The following DCC variants were observed in gnomAD, a reference collection of about 807,000 sequenced individuals.
The protein encoded by DCC is netrin receptor DCC.
A neutral mutation model predicts 172.5 loss-of-function variants in DCC; 58 were observed. That is an observed-to-expected ratio of 0.34 (90% CI 0.27 to 0.42). The LOEUF (loss-of-function observed/expected upper bound fraction) is 0.42. DCC is among the 10% of genes least tolerant of loss of function. DCC has a pLI of 1.00. For missense variants in DCC, 1,740 were observed against 1,791.0 expected, an observed-to-expected ratio of 0.97 and a Z score of 0.51; for synonymous variants, 709 against 644.5, an observed-to-expected ratio of 1.10 and a Z score of -1.52.
intron 18 of DCC, among the ~76,000 whole-genome samples, chr18:53,398,835 T>G (rs2145028215): frequency 6.6e-6 from 1 of 152,254 alleles, no homozygotes; most frequent in Middle Eastern, 3.4e-3. Flanking sequence ...GGTAATAATC[T>G]GGACAAAGGT....
intron 1 of DCC, among the ~76,000 whole-genome samples, chr18:52,430,961 T>C (rs1987601791): frequency 6.6e-6 from 1 of 152,170 alleles, no homozygotes. Context: ...CTCTTTATTT[T>C]TGGCTTCTCA....
At chr18:53,217,310 TACACACACAC>T (rs34151927) in intron 12 of DCC, among the ~76,000 whole-genome samples, 3 of 148,410 alleles carry the variant, frequency 2.0e-5, no homozygotes, top group African/African-American at 4.9e-5. Context: ...CATATGTATA[TACACACACAC>T]ACACACACAC....
chr18:53,150,692 G>C (rs1192776797), intron 7 of DCC, among the ~76,000 whole-genome samples: 1 of 152,188 alleles, frequency 6.6e-6, no homozygotes, highest in East Asian at 1.9e-4. Context: ...CCCCACGTCA[G>C]GGCAGCAAAG....
intron 1 of DCC, among the ~76,000 whole-genome samples, chr18:52,667,480 G>A (rs1198947387): frequency 1.3e-5 from 2 of 152,180 alleles, no homozygotes; most frequent in Non-Finnish European, 1.5e-5. Context: ...CTCAGACCTT[G>A]CAGGAGACAT....
chr18:52,800,827 G>A (rs1268401633), intron 2 of DCC, among the ~76,000 whole-genome samples: 13 of 152,106 alleles, frequency 8.5e-5, no homozygotes, highest in Admixed American at 5.2e-4. Context: ...TACCTTAGAC[G>A]CTGTGGCTTA....
chr18:53,042,023 C>G (rs528772318), intron 5 of DCC, among the ~76,000 whole-genome samples: 1 of 151,958 alleles, frequency 6.6e-6, no homozygotes, highest in African/African-American at 2.4e-5. Flanking sequence ...TTGTCCTGAC[C>G]AGAACTTCCA....
At chr18:53,209,309 G>T (rs1164624295) in intron 11 of DCC, among the ~76,000 whole-genome samples, 1 of 152,206 alleles carries the variant, frequency 6.6e-6, no homozygotes, top group Non-Finnish European at 1.5e-5. Flanking sequence ...CAAAGTATAT[G>T]ATGTGGGGCC....
At chr18:53,468,223 G>A (rs1037535856) in intron 25 of DCC, among the ~76,000 whole-genome samples, 6 of 151,558 alleles carry the variant, frequency 4.0e-5, no homozygotes, top group Non-Finnish European at 8.8e-5. Flanking sequence ...ATGGTCTGTT[G>A]GCAAACAGAT....
At chr18:52,446,534 A>G in intron 1 of DCC, among the ~76,000 whole-genome samples, 1 of 152,168 alleles carries the variant, frequency 6.6e-6, no homozygotes, top group Admixed American at 6.5e-5. Context: ...ATGCATTGGA[A>G]TTGCTTTACT....
intron 2 of DCC, among the ~76,000 whole-genome samples, chr18:52,865,674 C>T (rs1168122342): frequency 1.3e-5 from 2 of 151,468 alleles, no homozygotes; most frequent in Non-Finnish European, 2.9e-5. Context: ...CTGTTCATAC[C>T]CTTCACCCAC....
At chr18:52,844,320 G>GCAGACAGA (rs10643611) in intron 2 of DCC, among the ~76,000 whole-genome samples, 7,094 of 151,206 alleles carry the variant, frequency 0.047, 180 homozygotes, top group South Asian at 0.065. Context: ...ACATAGATAG[G>GCAGACAGA]CAGACAGACA....
chr18:52,513,676 C>T (rs1568206863), intron 1 of DCC, among the ~76,000 whole-genome samples: 2 of 152,110 alleles, frequency 1.3e-5, no homozygotes, highest in Non-Finnish European at 2.9e-5. Flanking sequence ...GGCTCTAAAA[C>T]TAGGTCCCTT....
At chr18:52,620,285 C>A (rs761671804) in intron 1 of DCC, among the ~76,000 whole-genome samples, 3 of 152,160 alleles carry the variant, frequency 2.0e-5, no homozygotes, top group Non-Finnish European at 2.9e-5. Flanking sequence ...CTCCAACTTT[C>A]TATTAATTGC....
At chr18:52,862,360 C>T (rs7227878) in intron 2 of DCC, among the ~76,000 whole-genome samples, 18,379 of 151,770 alleles carry the variant, frequency 0.12, 1,493 homozygotes, top group East Asian at 0.3. Flanking sequence ...ATAGGATCAC[C>T]GGTCACTGTA....
At chr18:53,396,172 G>C (rs1216578641) in intron 17 of DCC, among the ~76,000 whole-genome samples, 2 of 151,882 alleles carry the variant, frequency 1.3e-5, no homozygotes, top group Admixed American at 1.3e-4. Context: ...ATGAGTGGGG[G>C]AAAAGAGCTT....
intron 8 of DCC, among the ~76,000 whole-genome samples, chr18:53,172,586 A>T (rs1212397102): frequency 7.2e-5 from 11 of 152,178 alleles, no homozygotes; most frequent in Non-Finnish European, 1.2e-4. Context: ...AATAAAGTCA[A>T]TTATGAAAGC....
At chr18:53,222,129 A>G (rs10502966) in intron 12 of DCC, among the ~76,000 whole-genome samples, 46,270 of 152,074 alleles carry the variant, frequency 0.3, 8,833 homozygotes, top group Non-Finnish European at 0.44. Flanking sequence ...AATTACAGTC[A>G]ATGAATAAAG....
intron 2 of DCC, among the ~76,000 whole-genome samples, chr18:52,792,713 A>T (rs2037794235): frequency 9.6e-6 from 1 of 103,736 alleles, no homozygotes; most frequent in South Asian, 2.9e-4. Context: ...TTATTGATTT[A>T]ATTTGATTTT....
At chr18:52,469,412 T>C (rs768553973) in intron 1 of DCC, among the ~76,000 whole-genome samples, 1 of 152,188 alleles carries the variant, frequency 6.6e-6, no homozygotes, top group African/African-American at 2.4e-5. Flanking sequence ...GGTGTTGCTA[T>C]TAGCCAACAG....
Sources: gnomAD v4.1 joint callset for allele counts (sites outside exome capture counted in the v4.1 genomes callset) on GRCh38, gnomAD v4.1.1 for gene constraint, MANE v1.5 for transcripts, NCBI Gene and HGNC (gene_info 2026-07-23, HGNC 2026-07-21) for gene names.